DLG2: variants seen among roughly 807,000 people sequenced by gnomAD.
The protein encoded by DLG2 is disks large homolog 2.
DLG2 carries 45 observed loss-of-function variants against 132.5 expected under a neutral mutation model. That is an observed-to-expected ratio of 0.34 (90% CI 0.27 to 0.44). DLG2 has a LOEUF of 0.44. Ranked by LOEUF, DLG2 falls within the 20% of genes least tolerant of loss-of-function variation. The probability of loss-of-function intolerance (pLI) is 1.00; values close to 1 mark genes in which losing one functional copy is unlikely to be tolerated. For missense variants in DLG2, 1,045 were observed against 1,196.9 expected, an observed-to-expected ratio of 0.87 and a Z score of 1.87; for synonymous variants, 424 against 419.6, an observed-to-expected ratio of 1.01 and a Z score of -0.13.
chr11:84,997,372 G>A (rs1387588095), intron 6 of DLG2: 1 of 152,066 alleles, frequency 6.6e-6, no homozygotes, highest in Non-Finnish European at 1.5e-5. Context: ...ATATCTCTAG[G>A]CACCCATCAA....
At chr11:85,302,924 A>T (rs1035180012) in intron 3 of DLG2, among the ~76,000 whole-genome samples, 7 of 152,342 alleles carry the variant, frequency 4.6e-5, no homozygotes, top group Admixed American at 1.3e-4. Flanking sequence ...ACTACCTATG[A>T]AGTGGGTTCT....
chr11:84,320,742 T>C (rs1176513094), intron 7 of DLG2, among the ~76,000 whole-genome samples: 3 of 152,168 alleles, frequency 2.0e-5, no homozygotes, highest in Non-Finnish European at 2.9e-5. Context: ...ACATGCTTAA[T>C]TGATGCAAAG....
At chr11:84,402,675 G>C (rs998121449) in intron 7 of DLG2, among the ~76,000 whole-genome samples, 1 of 151,924 alleles carries the variant, frequency 6.6e-6, no homozygotes, top group Non-Finnish European at 1.5e-5. Flanking sequence ...GAGCTCAGGA[G>C]ATAAAGACCA....
rs567998075 is a variant in DLG2 at position 85,260,088 on chromosome 11, A to T, written c.186+25132T>A. 3.0e-4 allele frequency among the ~76,000 whole-genome samples: 46 copies of T among 152,284 alleles called. 1 individual carries two copies. In the South Asian group the frequency reaches 8.5e-3, roughly 28 times the overall value. On this transcript the variant is annotated intron_variant, in intron 4 of 27. Coordinates refer to ENST00000376104, the MANE Select transcript of DLG2 (RefSeq NM_001142699.3). ...TGGTTTGAGTCCTGGCTCTACCATC[A>T]ACAATGTGACTTTTGTTAAGTTATT...
At chr11:84,888,038 G>T (rs1449445126) in intron 6 of DLG2, among the ~76,000 whole-genome samples, 1 of 152,064 alleles carries the variant, frequency 6.6e-6, no homozygotes, top group Non-Finnish European at 1.5e-5. Context: ...CAATACTGTG[G>T]CCCTCTCATT....
Position 85,505,998 on chromosome 11 carries a change from T to C in DLG2, c.40+92659A>G, listed in dbSNP as rs530991128. Among the ~76,000 whole-genome samples, 5 of 152,366 alleles carry C rather than the reference T, an allele frequency of 3.3e-5. No homozygotes were observed. In the East Asian group the frequency reaches 9.6e-4, roughly 29 times the overall value. Reference sequence around the variant, plus strand: ...TCCATTTCTTCTAGATTTTCTAATTTATTTGCATAGAGGTGTTTATAGTAT... The same window carrying C: ...TCCATTTCTTCTAGATTTTCTAATTCATTTGCATAGAGGTGTTTATAGTAT... On this transcript the variant is annotated intron_variant, in intron 3 of 27. Coordinates refer to ENST00000376104, the MANE Select transcript of DLG2 (RefSeq NM_001142699.3).
At chr11:85,297,443 C>CT (rs2079305464) in intron 3 of DLG2, among the ~76,000 whole-genome samples, 3 of 152,168 alleles carry the variant, frequency 2.0e-5, no homozygotes, top group African/African-American at 4.8e-5. Context: ...GAAAGCCACA[C>CT]AGGACCCCAT....
chr11:84,315,040 A>G (rs553194343), intron 7 of DLG2, among the ~76,000 whole-genome samples: 23 of 152,284 alleles, frequency 1.5e-4, no homozygotes, highest in Non-Finnish European at 1.0e-4. Flanking sequence ...AATACAGTAC[A>G]TGTGAATGGG....
At chr11:83,873,361 G>C (rs1044679311) in intron 16 of DLG2, among the ~76,000 whole-genome samples, 1 of 152,178 alleles carries the variant, frequency 6.6e-6, no homozygotes, top group Non-Finnish European at 1.5e-5. Flanking sequence ...ATTCCCACGT[G>C]TTGTGGGAGG....
At chr11:84,778,209 G>T (rs984671250) in intron 6 of DLG2, among the ~76,000 whole-genome samples, 2 of 152,098 alleles carry the variant, frequency 1.3e-5, no homozygotes, top group Admixed American at 6.5e-5. Flanking sequence ...ATTGAAAAGA[G>T]TATCCTTTTC....
chr11:85,244,781 A>T (rs1300709383), intron 4 of DLG2, among the ~76,000 whole-genome samples: 1 of 152,012 alleles, frequency 6.6e-6, no homozygotes, highest in African/African-American at 2.4e-5. Context: ...GCACTATCAA[A>T]TAAGTGAGAT....
At chr11:84,916,374 A>AAG in intron 6 of DLG2, among the ~76,000 whole-genome samples, 1 of 148,424 alleles carries the variant, frequency 6.7e-6, no homozygotes, top group Non-Finnish European at 1.5e-5. Context: ...AAAAAAAAAA[A>AAG]AAAAAGAAGC....
intron 17 of DLG2, among the ~76,000 whole-genome samples, chr11:83,820,806 T>C (rs1304935130): frequency 6.6e-6 from 1 of 152,188 alleles, no homozygotes; most frequent in Non-Finnish European, 1.5e-5. Flanking sequence ...CCTGGGATCC[T>C]ATCTACTGAT....
intron 6 of DLG2, chr11:84,545,104 A>G (rs1237165017): frequency 1.5e-5 from 7 of 451,794 alleles, no homozygotes; most frequent in African/African-American, 1.2e-4. Context: ...TCTCTCTCTC[A>G]CGCTAAGCTT....
rs189726491 is a variant in DLG2, at chr11:85,242,874, T to C, written c.186+42346A>G. On this transcript the variant is annotated intron_variant, in intron 4 of 27. Coordinates refer to ENST00000376104, the MANE Select transcript of DLG2 (RefSeq NM_001142699.3). Reference sequence around the variant, plus strand: ...GTGTTTATGCTCCTCAGTCACATTATCTTGATCTATGAGTTTATATTCCTG... The same window carrying C: ...GTGTTTATGCTCCTCAGTCACATTACCTTGATCTATGAGTTTATATTCCTG... Among the ~76,000 whole-genome samples the C allele has an allele frequency of 7.2e-5, 11 of 151,934 alleles. No individual in the cohort carries two copies. The East Asian group carries it at 2.1e-3, about 29-fold the overall frequency.
intron 9 of DLG2, among the ~76,000 whole-genome samples, chr11:84,150,123 G>C (rs2095246484): frequency 6.6e-6 from 1 of 152,100 alleles, no homozygotes; most frequent in Non-Finnish European, 1.5e-5. Context: ...GATAATAATG[G>C]TATTGAATTT....
At chr11:84,861,209 T>C (rs2083571964) in intron 6 of DLG2, among the ~76,000 whole-genome samples, 2 of 152,066 alleles carry the variant, frequency 1.3e-5, no homozygotes, top group Non-Finnish European at 1.5e-5. Flanking sequence ...ATAAAAGAAC[T>C]GGCTTCCTAA....
At chr11:84,734,898 T>C (rs370152215) in intron 6 of DLG2, among the ~76,000 whole-genome samples, 2 of 152,328 alleles carry the variant, frequency 1.3e-5, no homozygotes, top group Admixed American at 6.5e-5. Context: ...GAGATAATCA[T>C]GTGGTTTTTG....
chr11:84,787,749 A>G (rs1259145563), intron 6 of DLG2, among the ~76,000 whole-genome samples: 1 of 152,120 alleles, frequency 6.6e-6, no homozygotes, highest in Non-Finnish European at 1.5e-5. Flanking sequence ...TGGAAGATAA[A>G]TTGCAGAACA....
Sources: allele counts gnomAD v4.1 joint callset (sites outside exome capture counted in the v4.1 genomes callset), GRCh38; gene constraint gnomAD v4.1.1; transcripts MANE v1.5; gene names NCBI Gene and HGNC (gene_info 2026-07-23, HGNC 2026-07-21).